Variants in PLEKHM3 observed in about 807,000 individuals in gnomAD.
PLEKHM3 encodes the protein pleckstrin homology domain containing M3.
PLEKHM3 carries 45 observed loss-of-function variants against 81.8 expected under a neutral mutation model. The observed-to-expected ratio is 0.55, with a 90% confidence interval of 0.43 to 0.71. The LOEUF is 0.71. PLEKHM3 is among the 30% of genes least tolerant of loss of function. The pLI is 0.00. For missense variants in PLEKHM3, 788 were observed against 924.3 expected, an observed-to-expected ratio of 0.85 and a Z score of 1.91; for synonymous variants, 352 against 356.4, an observed-to-expected ratio of 0.99 and a Z score of 0.14.
intron 2 of PLEKHM3, among the ~76,000 whole-genome samples, chr2:207,984,404 T>G (rs1378222052): frequency 6.6e-6 from 1 of 152,194 alleles, no homozygotes. Context: ...TTCTTTTTTT[T>G]TTTTGAGACG....
chr2:207,999,103 C>T (rs2106086134), intron 2 of PLEKHM3, among the ~76,000 whole-genome samples: 1 of 152,150 alleles, frequency 6.6e-6, no homozygotes, highest in African/African-American at 2.4e-5. Context: ...ATGCCTCAGC[C>T]TCCCAAGTAG....
At chr2:207,956,001 G>C (rs765039178) in intron 3 of PLEKHM3, among the ~76,000 whole-genome samples, 1 of 152,146 alleles carries the variant, frequency 6.6e-6, no homozygotes, top group Non-Finnish European at 1.5e-5. Context: ...TTTGAGCTGG[G>C]TCTTGAAGAA....
chr2:207,916,300 A>G (rs16840163), intron 5 of PLEKHM3, among the ~76,000 whole-genome samples: 2,874 of 152,276 alleles, frequency 0.019, 91 homozygotes, highest in African/African-American at 0.065. Flanking sequence ...TGTAATTTTA[A>G]TTGTGAGTAT....
At chr2:207,929,517 T>C (rs760624400) in intron 5 of PLEKHM3, among the ~76,000 whole-genome samples, 1 of 152,226 alleles carries the variant, frequency 6.6e-6, no homozygotes, top group Non-Finnish European at 1.5e-5. Flanking sequence ...GAACATACTT[T>C]GAACATTAAA....
chr2:208,006,633 T>C (rs1191618418), intron 1 of PLEKHM3, among the ~76,000 whole-genome samples: 1 of 152,330 alleles, frequency 6.6e-6, no homozygotes, highest in Middle Eastern at 3.4e-3. Context: ...GAGCACTCCA[T>C]TGGACCTCAC....
intron 4 of PLEKHM3, among the ~76,000 whole-genome samples, chr2:207,936,263 C>T (rs78747532): frequency 6.6e-6 from 1 of 152,142 alleles, no homozygotes; most frequent in Admixed American, 6.6e-5. Context: ...CGAGCCACTG[C>T]GCCCAGTCTA....
intron 4 of PLEKHM3, among the ~76,000 whole-genome samples, chr2:207,931,712 C>T (rs902807172): frequency 2.5e-4 from 38 of 152,312 alleles, no homozygotes; most frequent in African/African-American, 9.1e-4. Context: ...GTGGCTCATG[C>T]CTGTAATCAC....
chr2:207,939,865 A>G (rs1205131362), intron 4 of PLEKHM3, among the ~76,000 whole-genome samples: 1 of 152,178 alleles, frequency 6.6e-6, no homozygotes, highest in Non-Finnish European at 1.5e-5. Flanking sequence ...AGTGGAGAGC[A>G]TGGCCTCAGG....
At chr2:207,938,588 G>A (rs916389183) in intron 4 of PLEKHM3, among the ~76,000 whole-genome samples, 1 of 152,174 alleles carries the variant, frequency 6.6e-6, no homozygotes, top group African/African-American at 2.4e-5. Context: ...TGATATCTGA[G>A]AAAAGACAGC....
At chr2:207,830,050 T>G (rs943336015) in intron 7 of PLEKHM3, among the ~76,000 whole-genome samples, 6 of 151,764 alleles carry the variant, frequency 4.0e-5, no homozygotes, top group African/African-American at 1.5e-4. Context: ...AAAGAGAAAG[T>G]GTGTGTGTAT....
Position 207,896,422 on chromosome 2 carries a change from G to A in PLEKHM3, c.1950+12092C>T, listed in dbSNP as rs1490473626. Among the ~76,000 whole-genome samples the A allele has an allele frequency of 5.9e-5, 9 of 152,134 alleles. No homozygotes were observed. In the South Asian group the frequency reaches 6.2e-4, roughly 11 times the overall value. On this transcript the variant is annotated intron_variant, in intron 6 of 7. Transcript: ENST00000427836. Reference sequence around the variant, plus strand: ...ACAGGATGGAAAATAATCCCTACCCGGGTTAAGTTAAAAATCCATTTTTTA... The same window carrying A: ...ACAGGATGGAAAATAATCCCTACCCAGGTTAAGTTAAAAATCCATTTTTTA...
intron 6 of PLEKHM3, among the ~76,000 whole-genome samples, chr2:207,865,517 C>T (rs60605924): frequency 0.023 from 3,481 of 151,902 alleles, 141 homozygotes; most frequent in African/African-American, 0.079. Context: ...GTGGCTCATG[C>T]CTGTAATCCC....
In PLEKHM3 at chr2:207,977,084, C is replaced by G. The variant is rs375970040; in HGVS notation, c.1113G>C (p.Leu371=). The part of the protein sequence containing the change: ...NILKSGTLYR[L]TVQNNWKAFT... Reference sequence around the variant, plus strand: ...ATGCCTTCCAGTTGTTTTGGACAGTCAGCCTGTAGAGAGTCCCTGATTTGA... The same window carrying G: ...ATGCCTTCCAGTTGTTTTGGACAGTGAGCCTGTAGAGAGTCCCTGATTTGA... Residue 371 remains leucine, a synonymous_variant, in exon 3 of 8, where the codon CTG becomes CTC. Transcript: ENST00000427836. The G allele has an allele frequency of 3.7e-6, 6 of 1,614,214 alleles. No homozygotes were observed. Among genetic ancestry groups the G allele is most frequent in the South Asian group, 3.3e-5 (3 of 91,088 alleles).
At chr2:207,930,225 AT>A (rs1689543377) in intron 5 of PLEKHM3, among the ~76,000 whole-genome samples, 2 of 152,176 alleles carry the variant, frequency 1.3e-5, no homozygotes, top group African/African-American at 4.8e-5. Context: ...GGGCCTGTGC[AT>A]TTTAATTATA....
At chr2:207,921,128 A>G (rs1689168300) in intron 5 of PLEKHM3, among the ~76,000 whole-genome samples, 1 of 151,938 alleles carries the variant, frequency 6.6e-6, no homozygotes, top group African/African-American at 2.4e-5. Context: ...GGCTCACTGC[A>G]AGTTCCGCCT....
chr2:207,998,198 C>T (rs767663402), intron 2 of PLEKHM3, among the ~76,000 whole-genome samples: 3 of 152,192 alleles, frequency 2.0e-5, no homozygotes, highest in Non-Finnish European at 2.9e-5. Context: ...TTCGCTATCT[C>T]CTGGATGACT....
At chr2:208,018,857 C>CA (rs1377851358) in intron 1 of PLEKHM3, among the ~76,000 whole-genome samples, 2 of 152,088 alleles carry the variant, frequency 1.3e-5, no homozygotes, top group African/African-American at 4.8e-5. Context: ...CCCCTACCCT[C>CA]ACCCCACACC....
At chr2:207,922,629 G>A (rs1259745462) in intron 5 of PLEKHM3, among the ~76,000 whole-genome samples, 16 of 152,200 alleles carry the variant, frequency 1.1e-4, no homozygotes, top group Middle Eastern at 3.4e-3. Flanking sequence ...TGGCTAACAC[G>A]GTGAAAACCT....
At chr2:207,885,887 C>T (rs1033528918) in intron 6 of PLEKHM3, among the ~76,000 whole-genome samples, 2 of 152,292 alleles carry the variant, frequency 1.3e-5, no homozygotes, top group South Asian at 2.1e-4. Context: ...TGCTTGAGTA[C>T]ACTTTAGAAA....
Sources: gnomAD v4.1 joint callset for allele counts (sites outside exome capture counted in the v4.1 genomes callset) on GRCh38, gnomAD v4.1.1 for gene constraint, MANE v1.5 for transcripts, NCBI Gene and HGNC (gene_info 2026-07-23, HGNC 2026-07-21) for gene names.